The following FUBP3 variants were observed in gnomAD, a reference collection of about 807,000 sequenced individuals.
FUBP3 encodes far upstream element-binding protein 3.
In FUBP3, 28 loss-of-function variants were observed where a neutral mutation model predicts 85.6. That is an observed-to-expected ratio of 0.33 (90% CI 0.24 to 0.45). The LOEUF (loss-of-function observed/expected upper bound fraction) is 0.45. Ranked by LOEUF, FUBP3 falls within the 20% of genes least tolerant of loss-of-function variation. The pLI is 1.00. For missense variants in FUBP3, 583 were observed against 755.1 expected (o/e 0.77, Z 2.67); for synonymous variants, 271 against 271.4 (o/e 1.00, Z 0.01).
chr9:130,593,543 A>G (rs1026303390), intron 1 of FUBP3, among the ~76,000 whole-genome samples: 2 of 152,272 alleles, frequency 1.3e-5, no homozygotes, highest in African/African-American at 4.8e-5. Flanking sequence ...GCTTGCCTCA[A>G]CATCACAGAA....
chr9:130,589,675 GTATATATATA>G (rs1170568300), intron 1 of FUBP3, among the ~76,000 whole-genome samples: 12 of 34,306 alleles, frequency 3.5e-4, no homozygotes, highest in South Asian at 1.1e-3. Flanking sequence ...GTATGTGTGT[GTATATATATA>G]TATATATATA....
chr9:130,598,916 T>A (rs534548973), intron 2 of FUBP3, among the ~76,000 whole-genome samples: 1 of 152,300 alleles, frequency 6.6e-6, no homozygotes, highest in Admixed American at 6.5e-5. Context: ...TAATCCCAGC[T>A]ACCCAGGAGG....
chr9:130,603,271 C>T (rs564704151), intron 2 of FUBP3, among the ~76,000 whole-genome samples: 7 of 140,612 alleles, frequency 5.0e-5, no homozygotes, highest in Admixed American at 7.8e-5. Context: ...GGCCTGAACC[C>T]GGGAGGCAGA....
intron 10 of FUBP3, among the ~76,000 whole-genome samples, 158 bp from the exon 11 acceptor site, chr9:130,623,453 A>G (rs374249668): frequency 3.3e-5 from 5 of 152,180 alleles, no homozygotes; most frequent in Admixed American, 6.5e-5. Context: ...ACATTTTCCT[A>G]TCACCCACAT....
chr9:130,587,919 T>C (rs1181577557), intron 1 of FUBP3, among the ~76,000 whole-genome samples: 3 of 152,238 alleles, frequency 2.0e-5, no homozygotes, highest in Non-Finnish European at 4.4e-5. Context: ...TATTTAATTC[T>C]GCCTAAGCAT....
At chr9:130,581,553 A>G (rs1009626724) in intron 1 of FUBP3, 1 of 152,208 alleles carries the variant, frequency 6.6e-6, no homozygotes, top group Non-Finnish European at 1.5e-5. Context: ...ATAGATTTGC[A>G]TTGGGCAAGA....
intron 13 of FUBP3, 185 bp from the exon 14 acceptor site, chr9:130,631,372 G>C: frequency 7.2e-7 from 1 of 1,394,018 alleles, no homozygotes; most frequent in Non-Finnish European, 9.4e-7. Flanking sequence ...TTGGTCGCTG[G>C]AGGGCAGAAG....
In FUBP3 at chr9:130,586,043, G is replaced by A. The variant is rs151301632; in HGVS notation, c.84+6279G>A. The stretch of plus-strand genomic sequence containing the variant: ...AGACAAGGTCTTGTTACGTTGTCCA[G>A]GCTGGAATGCAGTGGCACGATCACA... On this transcript the variant is annotated intron_variant, in intron 1 of 18. Transcript: ENST00000319725. Among the ~76,000 whole-genome samples the A allele has an allele frequency of 9.2e-5, 14 of 152,306 alleles. No homozygotes were observed. In the East Asian group the frequency reaches 2.7e-3, roughly 29 times the overall value.
chr9:130,634,814 G>A, intron 17 of FUBP3, 76 bp downstream of exon 17: 2 of 1,161,728 alleles, frequency 1.7e-6, no homozygotes, highest in Non-Finnish European at 2.5e-6. Flanking sequence ...AAGGCTCACT[G>A]TCACCTCTTT....
In FUBP3 at chr9:130,626,461, C is replaced by A; in HGVS notation, c.1073C>A (p.Thr358Lys). The change falls in exon 12 of 19, where the codon ACA becomes AAA. Residue 358 changes from threonine (T) to lysine (K), a missense_variant. Physicochemically the swap from Thr to Lys is moderately conservative, Grantham distance 78. Transcript: ENST00000319725. ...GCCCCTGGTGGCGTCCAGGAGATAA[C>A]ATACACGGTGCCAGCCGATAAGTGT... Reference protein sequence around the residue: ...VGAPGGVQEITYTVPADKCGL... With the variant: ...VGAPGGVQEIKYTVPADKCGL... 1 of 1,614,148 alleles carries A rather than the reference C, an allele frequency of 6.2e-7. No homozygotes were observed. Among genetic ancestry groups the A allele is most frequent in the Non-Finnish European group, 8.5e-7 (1 of 1,180,030 alleles).
At chr9:130,625,102 A>G (rs1829916916) in intron 11 of FUBP3, among the ~76,000 whole-genome samples, 1 of 152,194 alleles carries the variant, frequency 6.6e-6, no homozygotes, top group African/African-American at 2.4e-5. Flanking sequence ...TCAGCTACTC[A>G]GGAGGCTGAG....
chr9:130,604,396 G>A (rs969203333), intron 2 of FUBP3, among the ~76,000 whole-genome samples: 3 of 152,148 alleles, frequency 2.0e-5, no homozygotes, highest in Non-Finnish European at 2.9e-5. Context: ...TGTCTCATGT[G>A]CCATAATAGT....
At chr9:130,624,215 A>T (rs193095586) in intron 11 of FUBP3, among the ~76,000 whole-genome samples, 72 of 152,358 alleles carry the variant, frequency 4.7e-4, no homozygotes, top group Non-Finnish European at 9.7e-4. Context: ...AGAACGGAAG[A>T]ATAAAGCAAG....
intron 1 of FUBP3, among the ~76,000 whole-genome samples, chr9:130,589,880 T>TTTTTTG (rs1028830210): frequency 2.0e-5 from 3 of 149,336 alleles, no homozygotes; most frequent in African/African-American, 4.9e-5. Flanking sequence ...TCAGCTAGGT[T>TTTTTTG]TTTTTGTTTT....
At chr9:130,634,200 A>G (rs576956734) in intron 16 of FUBP3, among the ~76,000 whole-genome samples, 3 of 152,244 alleles carry the variant, frequency 2.0e-5, no homozygotes, top group South Asian at 4.2e-4. Context: ...GCCCTACCCC[A>G]GCTGGCCTGA....
chr9:130,592,710 CT>C (rs1830684416), intron 1 of FUBP3, among the ~76,000 whole-genome samples: 2 of 151,958 alleles, frequency 1.3e-5, no homozygotes, highest in Admixed American at 1.3e-4. Flanking sequence ...CGCACAGCTA[CT>C]TTTTTATTTT....
At chr9:130,602,649 A>G (rs964111543) in intron 2 of FUBP3, among the ~76,000 whole-genome samples, 7 of 152,162 alleles carry the variant, frequency 4.6e-5, no homozygotes, top group Non-Finnish European at 1.5e-5. Flanking sequence ...TATTGGAGGG[A>G]TGAAAAGCCA....
At position 130,580,121 on chromosome 9, in the gene FUBP3, G is replaced by A. The variant is rs550046633; in HGVS notation, c.84+357G>A. Among the ~76,000 whole-genome samples, 31 of 152,308 alleles carry A rather than the reference G, an allele frequency of 2.0e-4. 1 individual carries two copies. In the South Asian group the frequency reaches 2.3e-3, roughly 11 times the overall value. On this transcript the variant is annotated intron_variant, in intron 1 of 18. Coordinates refer to ENST00000319725, the MANE Select transcript of FUBP3 (RefSeq NM_003934.2). Reference sequence around the variant, plus strand: ...CCGGGAAGCCCACGGGGAGGATCTGGGTGTAGACATAAAGCAGCTGTCTGA... The same window carrying A: ...CCGGGAAGCCCACGGGGAGGATCTGAGTGTAGACATAAAGCAGCTGTCTGA...
At chr9:130,592,006 T>TG (rs1157522458) in intron 1 of FUBP3, among the ~76,000 whole-genome samples, 6 of 152,136 alleles carry the variant, frequency 3.9e-5, no homozygotes, top group African/African-American at 1.4e-4. Flanking sequence ...CCGAAGCAGG[T>TG]GGATCACCTG....
Sources: gnomAD v4.1 joint callset for allele counts (sites outside exome capture counted in the v4.1 genomes callset) on GRCh38, gnomAD v4.1.1 for gene constraint, MANE v1.5 for transcripts, NCBI Gene and HGNC (gene_info 2026-07-23, HGNC 2026-07-21) for gene names.